CTDSPL: variants seen among roughly 807,000 people sequenced by gnomAD.
The protein encoded by CTDSPL is CTD small phosphatase-like protein.
In CTDSPL, 8 loss-of-function variants were observed where a neutral mutation model predicts 30.5. The observed-to-expected ratio is 0.26, with a 90% confidence interval of 0.15 to 0.47. The LOEUF (loss-of-function observed/expected upper bound fraction) is 0.47, where lower values mean the gene tolerates loss of function less well. Ranked by LOEUF, CTDSPL falls within the 20% of genes least tolerant of loss-of-function variation. The pLI, the probability that CTDSPL is intolerant of heterozygous loss-of-function variation, is 0.99. For missense variants in CTDSPL, 248 were observed against 366.1 expected (o/e 0.68, Z 2.63); for synonymous variants, 110 against 137.9 (o/e 0.80, Z 1.42).
intron 1 of CTDSPL, among the ~76,000 whole-genome samples, chr3:37,920,272 G>T (rs1698698496): frequency 1.3e-5 from 2 of 152,290 alleles, no homozygotes; most frequent in Admixed American, 1.3e-4. Context: ...GTTGCCGGAG[G>T]TGAGATCCCC....
intron 1 of CTDSPL, among the ~76,000 whole-genome samples, chr3:37,891,351 C>A (rs1237684768): frequency 6.6e-6 from 1 of 152,220 alleles, no homozygotes; most frequent in Non-Finnish European, 1.5e-5. Context: ...CAGCCATTCA[C>A]TTCTCTGTAC....
chr3:37,908,301 A>C (rs986249539), intron 1 of CTDSPL, among the ~76,000 whole-genome samples: 4 of 152,262 alleles, frequency 2.6e-5, no homozygotes, highest in Non-Finnish European at 5.9e-5. Flanking sequence ...CTCCTAATAG[A>C]AAGTGGAAGG....
At chr3:37,973,838 C>T (rs763334242) in intron 6 of CTDSPL, among the ~76,000 whole-genome samples, 5 of 152,216 alleles carry the variant, frequency 3.3e-5, no homozygotes, top group Non-Finnish European at 5.9e-5. Context: ...ACATTCTTCA[C>T]ATTCATTCTC....
At position 37,971,448 on chromosome 3, in the gene CTDSPL, G is replaced by A. The variant is rs1328148191; in HGVS notation, c.468G>A (p.Gln156=). The A allele has an allele frequency of 4.3e-6, 7 of 1,614,090 alleles. No individual in the cohort carries two copies. The highest frequency in any genetic ancestry group is 5.9e-6 in the Non-Finnish European group (7 of 1,180,036). The change falls in exon 6 of 8, where the codon CAG becomes CAA. Residue 156 remains glutamine (Q), a synonymous_variant. Transcript: ENST00000273179. The stretch of plus-strand genomic sequence containing the variant: ...GGCCACATGTGGACGAGTTCCTCCA[G>A]AGGATGGGGCAGCTTTTTGAATGTG... The part of the protein sequence containing the change: ...LKRPHVDEFL[Q]RMGQLFECVL...
At chr3:37,866,326 A>C (rs1168566879) in intron 1 of CTDSPL, among the ~76,000 whole-genome samples, 1 of 152,228 alleles carries the variant, frequency 6.6e-6, no homozygotes, top group Admixed American at 6.5e-5. Flanking sequence ...TTGTAAAAAA[A>C]AAATCACACA....
intron 5 of CTDSPL, among the ~76,000 whole-genome samples, chr3:37,970,771 A>C (rs1347515384): frequency 6.6e-6 from 1 of 152,200 alleles, no homozygotes; most frequent in Non-Finnish European, 1.5e-5. Flanking sequence ...CTGATGGATT[A>C]TGTCTGGGGT....
intron 1 of CTDSPL, among the ~76,000 whole-genome samples, chr3:37,889,740 A>G (rs1393725231): frequency 6.6e-6 from 1 of 152,212 alleles, no homozygotes; most frequent in Non-Finnish European, 1.5e-5. Flanking sequence ...AAATAATCAT[A>G]AAAGCTTTTG....
chr3:37,910,233 A>C (rs1698566524), intron 1 of CTDSPL, among the ~76,000 whole-genome samples: 1 of 152,190 alleles, frequency 6.6e-6, no homozygotes, highest in Non-Finnish European at 1.5e-5. Flanking sequence ...TAATCCCAGC[A>C]CTTTGAGAAG....
intron 6 of CTDSPL, among the ~76,000 whole-genome samples, chr3:37,973,158 G>C (rs1575324779): frequency 6.6e-6 from 1 of 152,244 alleles, no homozygotes; most frequent in Non-Finnish European, 1.5e-5. Flanking sequence ...TTCAAAAAGA[G>C]AACAAGGCCT....
intron 6 of CTDSPL, among the ~76,000 whole-genome samples, chr3:37,974,691 G>A (rs1005080288): frequency 2.6e-5 from 4 of 152,172 alleles, no homozygotes; most frequent in Non-Finnish European, 2.9e-5. Flanking sequence ...AGGATGATCC[G>A]CAACTGTGAG....
At chr3:37,921,884 G>T (rs1698720734) in intron 1 of CTDSPL, among the ~76,000 whole-genome samples, 1 of 152,150 alleles carries the variant, frequency 6.6e-6, no homozygotes, top group Non-Finnish European at 1.5e-5. Context: ...CCAGGTCATG[G>T]GGAATGAAGA....
chr3:37,922,238 GA>G (rs929624159), intron 1 of CTDSPL, among the ~76,000 whole-genome samples: 49 of 144,506 alleles, frequency 3.4e-4, no homozygotes, highest in East Asian at 1.0e-3. Context: ...CTGTCTCAAG[GA>G]AAAAAAAAAA....
chr3:37,903,937 T>C (rs1698482419), intron 1 of CTDSPL, among the ~76,000 whole-genome samples: 1 of 152,208 alleles, frequency 6.6e-6, no homozygotes, highest in Admixed American at 6.5e-5. Flanking sequence ...GTTACTGACT[T>C]ATTCAAGCAG....
intron 2 of CTDSPL, among the ~76,000 whole-genome samples, chr3:37,948,577 G>T (rs970610366): frequency 1.9e-4 from 29 of 152,118 alleles, no homozygotes; most frequent in Non-Finnish European, 3.1e-4. Context: ...AGTGGCTGTG[G>T]GCGGTGGCAG....
intron 1 of CTDSPL, among the ~76,000 whole-genome samples, chr3:37,903,058 T>C (rs562150774): frequency 6.6e-6 from 1 of 152,308 alleles, no homozygotes; most frequent in East Asian, 1.9e-4. Context: ...CTCTTTGAGA[T>C]GGTGGTGGGC....
At chr3:37,944,521 A>G (rs1056804464) in intron 1 of CTDSPL, among the ~76,000 whole-genome samples, 1 of 150,012 alleles carries the variant, frequency 6.7e-6, no homozygotes, top group African/African-American at 2.4e-5. Flanking sequence ...AGTCCAGAGC[A>G]CCCACGTCTG....
intron 1 of CTDSPL, among the ~76,000 whole-genome samples, chr3:37,925,658 G>A (rs1698773173): frequency 6.6e-6 from 1 of 152,114 alleles, no homozygotes. Context: ...TTGAACAAAG[G>A]GGCTCACAAA....
chr3:37,980,629 C>A, intron 7 of CTDSPL, 113 bp from the exon 8 acceptor site: 1 of 1,343,024 alleles, frequency 7.4e-7, no homozygotes, highest in African/African-American at 1.4e-5. Flanking sequence ...ACGATGATGA[C>A]ACCAGTCGTC....
chr3:37,927,109 A>C (rs1698789563), intron 1 of CTDSPL, among the ~76,000 whole-genome samples: 1 of 152,206 alleles, frequency 6.6e-6, no homozygotes, highest in African/African-American at 2.4e-5. Context: ...ATATGAAGCC[A>C]CAAGTGGAAA....
Sources: gnomAD v4.1 joint callset for allele counts (sites outside exome capture counted in the v4.1 genomes callset) on GRCh38, gnomAD v4.1.1 for gene constraint, MANE v1.5 for transcripts, NCBI Gene and HGNC (gene_info 2026-07-23, HGNC 2026-07-21) for gene names.